The following SPTLC3 variants were observed in gnomAD, a reference collection of about 807,000 sequenced individuals.
The protein encoded by SPTLC3 is serine palmitoyltransferase long chain base subunit 3.
In SPTLC3, 36 loss-of-function variants were observed where a neutral mutation model predicts 59.3. The ratio of observed to expected loss-of-function variants is 0.61; its 90% confidence interval spans 0.47 to 0.80. The LOEUF is 0.80. Among genes scored for constraint, SPTLC3 ranks in the 30% least tolerant of loss-of-function variants. The pLI, the probability that SPTLC3 is intolerant of heterozygous loss-of-function variation, is 0.00. For missense variants in SPTLC3, 625 were observed against 685.1 expected (o/e 0.91, Z 0.98); for synonymous variants, 257 against 240.8 (o/e 1.07, Z -0.62).
chr20:13,129,694 G>T (rs538306751), intron 9 of SPTLC3, among the ~76,000 whole-genome samples: 2 of 152,120 alleles, frequency 1.3e-5, no homozygotes, highest in African/African-American at 4.8e-5. Flanking sequence ...TCCCTCCTCC[G>T]ATTGGTTCAT....
At chr20:13,017,616 CTTTTTTGTGAT>C (rs1253551242) in intron 1 of SPTLC3, among the ~76,000 whole-genome samples, 2 of 152,046 alleles carry the variant, frequency 1.3e-5, no homozygotes, top group Non-Finnish European at 2.9e-5. Context: ...ATTATGAGAT[CTTTTTTGTGAT>C]TTTTTTTAGC....
intron 9 of SPTLC3, among the ~76,000 whole-genome samples, chr20:13,142,977 G>C (rs1600374392): frequency 6.6e-6 from 1 of 152,110 alleles, no homozygotes; most frequent in Admixed American, 6.5e-5. Context: ...CCTAATCAGG[G>C]CTCTCTTAAT....
At chr20:13,089,145 C>T (rs1989115111) in intron 4 of SPTLC3, among the ~76,000 whole-genome samples, 1 of 152,150 alleles carries the variant, frequency 6.6e-6, no homozygotes, top group South Asian at 2.1e-4. Context: ...TAAATAAATT[C>T]TTATATCATA....
chr20:13,013,137 A>G lies in SPTLC3; in HGVS notation c.117+3753A>G, dbSNP rs764318867. On this transcript the variant is annotated intron_variant, in intron 1 of 11. Transcript: ENST00000399002. ...CTGTGGCTGAGGTGGTGCTCAGCAGATGCTGGAAGAAGAGAAAGGATTAAG... is the reference window on the plus strand; with the variant it reads ...CTGTGGCTGAGGTGGTGCTCAGCAGGTGCTGGAAGAAGAGAAAGGATTAAG... Among the ~76,000 whole-genome samples, 69 of 152,230 alleles carry G rather than the reference A, an allele frequency of 4.5e-4. 1 individual carries two copies. Among genetic ancestry groups the G allele is most frequent in the Non-Finnish European group, 1.6e-4 (11 of 68,044 alleles).
chr20:13,021,237 C>A (rs1985865845), intron 1 of SPTLC3, among the ~76,000 whole-genome samples: 1 of 152,166 alleles, frequency 6.6e-6, no homozygotes, highest in Non-Finnish European at 1.5e-5. Context: ...GTTCCTCCTC[C>A]TCTCTTTGAC....
At chr20:13,067,061 A>G (rs201942167) in intron 2 of SPTLC3, among the ~76,000 whole-genome samples, 4 of 3,712 alleles carry the variant, frequency 1.1e-3, no homozygotes, top group African/African-American at 5.8e-3. Flanking sequence ...ATATATATAT[A>G]TATATATATA....
At chr20:13,028,485 A>G (rs146272121) in intron 1 of SPTLC3, among the ~76,000 whole-genome samples, 2,344 of 152,314 alleles carry the variant, frequency 0.015, 58 homozygotes, top group Admixed American at 0.062. Context: ...ACCCTAAAAG[A>G]TATTATGGAC....
intron 9 of SPTLC3, among the ~76,000 whole-genome samples, chr20:13,132,395 T>C (rs964282101): frequency 6.6e-6 from 1 of 152,170 alleles, no homozygotes; most frequent in East Asian, 1.9e-4. Context: ...CGGGCTGATC[T>C]TGAGCTCCCG....
intron 8 of SPTLC3, among the ~76,000 whole-genome samples, chr20:13,117,976 A>G (rs1324365485): frequency 6.6e-6 from 1 of 152,142 alleles, no homozygotes; most frequent in Non-Finnish European, 1.5e-5. Flanking sequence ...CGTGTACATA[A>G]GATGCAAAGT....
At chr20:13,100,686 T>C (rs1005404250) in intron 6 of SPTLC3, among the ~76,000 whole-genome samples, 2 of 152,262 alleles carry the variant, frequency 1.3e-5, no homozygotes, top group Non-Finnish European at 2.9e-5. Context: ...CTATCATTTA[T>C]TCAGCTTTCA....
chr20:13,143,178 G>C (rs1301309549), intron 9 of SPTLC3, among the ~76,000 whole-genome samples: 1 of 152,114 alleles, frequency 6.6e-6, no homozygotes, highest in East Asian at 1.9e-4. Context: ...AAAAGACCAA[G>C]AAGGAGACCG....
chr20:13,050,062 A>G (rs1835660), intron 2 of SPTLC3: 132,573 of 152,126 alleles, frequency 0.87, 57,830 homozygotes, highest in East Asian at 0.92. Flanking sequence ...CTAGTTCACC[A>G]GCAATGGATC....
chr20:13,074,206 A>G, intron 3 of SPTLC3, 143 bp from the exon 4 acceptor site: 1 of 1,072,474 alleles, frequency 9.3e-7, no homozygotes, highest in Non-Finnish European at 1.4e-6. Context: ...GCTCTGTTCC[A>G]CCTCACAGAT....
At chr20:13,082,422 C>T (rs549345470) in intron 4 of SPTLC3, among the ~76,000 whole-genome samples, 39 of 152,062 alleles carry the variant, frequency 2.6e-4, no homozygotes, top group Non-Finnish European at 4.4e-4. Context: ...ATACAGCTGC[C>T]CCCTGTTTTT....
intron 3 of SPTLC3, among the ~76,000 whole-genome samples, chr20:13,072,761 T>A (rs1988493086): frequency 6.6e-6 from 1 of 152,196 alleles, no homozygotes; most frequent in Non-Finnish European, 1.5e-5. Context: ...TCTGGAAGGC[T>A]CTTGCTAGAA....
intron 3 of SPTLC3, 147 bp from the exon 4 acceptor site, chr20:13,074,202 T>C (rs1375948390): frequency 1.9e-6 from 2 of 1,053,836 alleles, no homozygotes; most frequent in Non-Finnish European, 2.9e-6. Flanking sequence ...GCCAGCTCTG[T>C]TCCACCTCAC....
chr20:13,156,950 G>A (rs370963476), intron 10 of SPTLC3, among the ~76,000 whole-genome samples: 4 of 152,234 alleles, frequency 2.6e-5, no homozygotes. Flanking sequence ...CTTCCATATT[G>A]CTATATTAGA....
chr20:13,078,256 A>T (rs1988717475), intron 4 of SPTLC3, among the ~76,000 whole-genome samples: 1 of 149,464 alleles, frequency 6.7e-6, no homozygotes, highest in African/African-American at 2.4e-5. Context: ...TGGCATTGAG[A>T]CTAACAGTAC....
chr20:13,117,633 T>G lies in SPTLC3; in HGVS notation c.1060T>G (p.Phe354Val), dbSNP rs757650586. ...VGPTGRGVTE[F>V]FGLDPHEVDV... ...CCCAACCGGCCGGGGTGTCACGGAG[T>G]TCTTTGGACTAGACCCTCATGAAGT... is the stretch of plus-strand genomic sequence containing the variant. The change falls in exon 8 of 12, where the codon TTC (phenylalanine) becomes GTC (valine). Residue 354 changes from phenylalanine to valine, a missense_variant. Physicochemically the swap from Phe to Val is conservative, Grantham distance 50. Coordinates refer to ENST00000399002, the MANE Select transcript of SPTLC3 (RefSeq NM_018327.4). 1.2e-6 allele frequency: 2 copies of G among 1,613,640 alleles called. No individual in the cohort carries two copies. Among genetic ancestry groups the G allele is most frequent in the East Asian group, 2.2e-5 (1 of 44,842 alleles).
Sources: allele counts gnomAD v4.1 joint callset (sites outside exome capture counted in the v4.1 genomes callset), GRCh38; gene constraint gnomAD v4.1.1; transcripts MANE v1.5; gene names NCBI Gene and HGNC (gene_info 2026-07-23, HGNC 2026-07-21).